SGCZ: variants seen among roughly 807,000 people sequenced by gnomAD.
The protein encoded by SGCZ is sarcoglycan zeta.
Under a neutral mutation model 41.3 loss-of-function variants are expected in SGCZ, and 40 were observed. That is an observed-to-expected ratio of 0.97 (90% CI 0.75 to 1.26). SGCZ has a LOEUF of 1.26. Ranked by LOEUF, SGCZ falls within the 50% of genes most tolerant of loss-of-function variation. SGCZ has a pLI of 0.00. For synonymous variants in SGCZ, 206 were observed against 137.5 expected (o/e 1.50, Z -3.49); for missense variants, 552 against 369.8 (o/e 1.49, Z -4.04).
chr8:14,476,405 A>G (rs908260094), intron 2 of SGCZ, among the ~76,000 whole-genome samples: 4 of 152,008 alleles, frequency 2.6e-5, no homozygotes, highest in African/African-American at 7.2e-5. Flanking sequence ...ATATATTTCT[A>G]TATGTCTTGC....
At chr8:14,348,167 C>T (rs1802956530) in intron 2 of SGCZ, among the ~76,000 whole-genome samples, 1 of 152,068 alleles carries the variant, frequency 6.6e-6, no homozygotes, top group East Asian at 1.9e-4. Flanking sequence ...CCCAGACAAA[C>T]TCAAGATAGC....
chr8:14,102,569 A>T, intron 6 of SGCZ, 70 bp from the exon 7 acceptor site: 1 of 1,243,316 alleles, frequency 8.0e-7, no homozygotes, highest in East Asian at 3.1e-5. Context: ...AAAAAAGAAA[A>T]TTTTTGATAA....
At chr8:14,516,271 A>T (rs946896185) in intron 2 of SGCZ, among the ~76,000 whole-genome samples, 1 of 151,864 alleles carries the variant, frequency 6.6e-6, no homozygotes, top group African/African-American at 2.4e-5. Flanking sequence ...CTCAGTAGGT[A>T]CTTTTTTTTT....
At chr8:14,906,615 C>G (rs1799126578) in intron 1 of SGCZ, among the ~76,000 whole-genome samples, 1 of 152,154 alleles carries the variant, frequency 6.6e-6, no homozygotes, top group Middle Eastern at 3.2e-3. Flanking sequence ...GAACAAATCA[C>G]TTTGGTATTT....
chr8:15,081,162 T>C (rs1426497164), intron 1 of SGCZ, among the ~76,000 whole-genome samples: 1 of 152,220 alleles, frequency 6.6e-6, no homozygotes, highest in Non-Finnish European at 1.5e-5. Flanking sequence ...AGGTGCTTCC[T>C]ACTTCAAGAC....
At chr8:15,018,016 C>T (rs1398427360) in intron 1 of SGCZ, among the ~76,000 whole-genome samples, 2 of 152,164 alleles carry the variant, frequency 1.3e-5, no homozygotes, top group African/African-American at 4.8e-5. Flanking sequence ...AGGTGTGAGC[C>T]ACTGCGCCTG....
chr8:14,785,173 T>G (rs1461498146), intron 1 of SGCZ, among the ~76,000 whole-genome samples: 2 of 151,336 alleles, frequency 1.3e-5, no homozygotes, highest in Non-Finnish European at 2.9e-5. Context: ...GTTTTATGTT[T>G]ACTTGATTGC....
At chr8:14,338,978 G>A (rs138234772) in intron 2 of SGCZ, among the ~76,000 whole-genome samples, 1 of 152,262 alleles carries the variant, frequency 6.6e-6, no homozygotes, top group East Asian at 1.9e-4. Flanking sequence ...TAAGGCTGAT[G>A]CTCAAAAATG....
intron 4 of SGCZ, among the ~76,000 whole-genome samples, chr8:14,211,411 C>G (rs1805803292): frequency 6.6e-6 from 1 of 152,158 alleles, no homozygotes; most frequent in Non-Finnish European, 1.5e-5. Flanking sequence ...GATGTCCCAG[C>G]AAAGGACCTC....
chr8:14,999,380 A>G (rs12548400), intron 1 of SGCZ, among the ~76,000 whole-genome samples: 111,076 of 152,112 alleles, frequency 0.73, 41,314 homozygotes, highest in African/African-American at 0.87. Flanking sequence ...CCAAAGAATA[A>G]GTAAAATGTG....
At position 14,538,028 on chromosome 8, in the gene SGCZ, C is replaced by G. The variant is rs143166237; in HGVS notation, c.234+16704G>C. Among the ~76,000 whole-genome samples the G allele has an allele frequency of 6.9e-3, 1,048 of 151,978 alleles. 15 individuals carry two copies. The highest frequency in any genetic ancestry group is 0.024 in the African/African-American group (995 of 41,512). ...CATTCTAAATGATTCAAGATGAATACCACTAACGTTAATTAGGCCCACTGG... is the reference window on the plus strand; with the variant it reads ...CATTCTAAATGATTCAAGATGAATAGCACTAACGTTAATTAGGCCCACTGG... On this transcript the variant is annotated intron_variant, in intron 2 of 7. Transcript: ENST00000382080.
intron 1 of SGCZ, among the ~76,000 whole-genome samples, chr8:15,028,981 T>G (rs906096946): frequency 1.1e-4 from 16 of 152,100 alleles, no homozygotes. Flanking sequence ...AACATTTTCC[T>G]GCATACTGAT....
At chr8:14,430,326 A>G (rs1004876833) in intron 2 of SGCZ, among the ~76,000 whole-genome samples, 2 of 152,180 alleles carry the variant, frequency 1.3e-5, no homozygotes, top group African/African-American at 4.8e-5. Flanking sequence ...ATCCAACAAC[A>G]TATCAAAAAG....
At chr8:14,970,907 G>T (rs910371484) in intron 1 of SGCZ, among the ~76,000 whole-genome samples, 1 of 152,112 alleles carries the variant, frequency 6.6e-6, no homozygotes, top group Admixed American at 6.6e-5. Flanking sequence ...TGCTAACAAT[G>T]TTGTATCTTT....
At chr8:14,106,164 A>T (rs1802196204) in intron 6 of SGCZ, among the ~76,000 whole-genome samples, 1 of 152,202 alleles carries the variant, frequency 6.6e-6, no homozygotes, top group African/African-American at 2.4e-5. Flanking sequence ...TGCAACTAGG[A>T]TGTGGTAAGA....
chr8:14,848,875 A>C (rs887544383), intron 1 of SGCZ, among the ~76,000 whole-genome samples: 3 of 152,212 alleles, frequency 2.0e-5, no homozygotes, highest in African/African-American at 7.2e-5. Flanking sequence ...TTTGCTCTTT[A>C]AATGACATGG....
In SGCZ at chr8:14,264,104, C is replaced by G. The variant is rs560479583; in HGVS notation, c.337-26425G>C. 6.8e-4 allele frequency among the ~76,000 whole-genome samples: 103 copies of G among 152,308 alleles called. 2 individuals are homozygous for G. In the South Asian group the frequency reaches 0.021, roughly 31 times the overall value. Reference sequence around the variant, plus strand: ...ACTACCCAGTGGTTTACAGCAGCCTCAGACCACAGGCGAACCTCAGTGACA... The same window carrying G: ...ACTACCCAGTGGTTTACAGCAGCCTGAGACCACAGGCGAACCTCAGTGACA... On this transcript the variant is annotated intron_variant, in intron 3 of 7. Transcript: ENST00000382080.
chr8:15,196,887 G>A (rs1010831091), intron 1 of SGCZ, among the ~76,000 whole-genome samples: 1 of 152,324 alleles, frequency 6.6e-6, no homozygotes, highest in African/African-American at 2.4e-5. Flanking sequence ...CAGGCCCCAC[G>A]GTTGTTGCTG....
At chr8:14,534,381 G>C (rs989276600) in intron 2 of SGCZ, among the ~76,000 whole-genome samples, 3 of 151,992 alleles carry the variant, frequency 2.0e-5, no homozygotes, top group African/African-American at 7.2e-5. Flanking sequence ...GGAAATTAGT[G>C]ACTATTTCTT....
Sources: allele counts gnomAD v4.1 joint callset (sites outside exome capture counted in the v4.1 genomes callset), GRCh38; gene constraint gnomAD v4.1.1; transcripts MANE v1.5; gene names NCBI Gene and HGNC (gene_info 2026-07-23, HGNC 2026-07-21).